The following LDLRAD3 variants were observed in gnomAD, a reference collection of about 807,000 sequenced individuals.
LDLRAD3 encodes the protein low-density lipoprotein receptor class A domain-containing protein 3.
LDLRAD3 carries 20 observed loss-of-function variants against 29.4 expected under a neutral mutation model. The ratio of observed to expected loss-of-function variants is 0.68; its 90% CI spans 0.48 to 0.99. The LOEUF is 0.99. LDLRAD3 is among the 50% of genes least tolerant of loss of function. The pLI is 0.00. For synonymous variants in LDLRAD3, 157 were observed against 192.7 expected, an observed-to-expected ratio of 0.81 and a Z score of 1.53; for missense variants, 420 against 454.3, an observed-to-expected ratio of 0.92 and a Z score of 0.69.
intron 4 of LDLRAD3, among the ~76,000 whole-genome samples, chr11:36,183,654 CAA>C (rs142050607): frequency 0.07 from 10,660 of 152,244 alleles, 474 homozygotes; most frequent in East Asian, 0.17. Flanking sequence ...TCTGAAGAAT[CAA>C]AAGAGTGGTA....
In LDLRAD3 at chr11:36,081,663, G is replaced by A. The variant is rs752004332; in HGVS notation, c.204G>A (p.Lys68=). The change falls in exon 3 of 6, where the codon AAG becomes AAA. Residue 68 remains lysine, a synonymous_variant. Coordinates refer to ENST00000315571, the MANE Select transcript of LDLRAD3 (RefSeq NM_174902.4). ...KSDEKECPKA[K]SKCGPTFFPC... is the part of the protein sequence containing the mutation. ...TTTTTCTTCCTGCAGCCAAGGCTAA[G>A]TCGAAATGTGGCCCAACCTTCTTCC... 6.2e-7 allele frequency: 1 copy of A among 1,614,252 alleles called. No individual in the cohort carries two copies. Among genetic ancestry groups the A allele is most frequent in the South Asian group, 1.1e-5 (1 of 91,086 alleles).
chr11:36,200,965 A>C (rs1855118831), intron 4 of LDLRAD3, among the ~76,000 whole-genome samples: 2 of 152,172 alleles, frequency 1.3e-5, no homozygotes, highest in African/African-American at 4.8e-5. Flanking sequence ...AGTGGGAGTA[A>C]CTCAAATAAA....
chr11:36,228,944 C>T lies in LDLRAD3; in HGVS notation c.801-216C>T, dbSNP rs59244859. The stretch of plus-strand genomic sequence containing the variant: ...CAGAGGATGTGGTTTTGGCACCGTC[C>T]GGTCAACACCAACCAGCCAGAACAC... On this transcript the variant is annotated intron_variant, in intron 5 of 5. Transcript: ENST00000315571. Among the ~76,000 whole-genome samples the T allele has an allele frequency of 7.6e-3, 1,155 of 152,318 alleles. 9 individuals are homozygous for T. Among genetic ancestry groups the T allele is most frequent in the African/African-American group, 0.027 (1,111 of 41,550 alleles).
intron 1 of LDLRAD3, among the ~76,000 whole-genome samples, chr11:35,948,430 G>A (rs1851087721): frequency 7.2e-6 from 1 of 139,636 alleles, no homozygotes; most frequent in African/African-American, 2.9e-5. Context: ...TTTTTAAGTT[G>A]GCTGATCGTG....
intron 4 of LDLRAD3, among the ~76,000 whole-genome samples, chr11:36,106,489 A>G (rs1421924806): frequency 6.6e-6 from 1 of 152,220 alleles, no homozygotes; most frequent in African/African-American, 2.4e-5. Context: ...AATTAGGGAC[A>G]GTGACTGCTT....
At chr11:35,956,879 G>A (rs1208399896) in intron 1 of LDLRAD3, among the ~76,000 whole-genome samples, 5 of 151,834 alleles carry the variant, frequency 3.3e-5, no homozygotes, top group African/African-American at 1.2e-4. Flanking sequence ...GGGACTACAG[G>A]CGCCCGCCAC....
chr11:35,954,458 A>G (rs947425427), intron 1 of LDLRAD3, among the ~76,000 whole-genome samples: 3 of 152,184 alleles, frequency 2.0e-5, no homozygotes, highest in Non-Finnish European at 4.4e-5. Context: ...ATACTCCAGA[A>G]CCTGATTCAG....
At chr11:36,068,811 C>T (rs759812110) in intron 2 of LDLRAD3, among the ~76,000 whole-genome samples, 10 of 152,170 alleles carry the variant, frequency 6.6e-5, no homozygotes, top group Admixed American at 1.3e-4. Context: ...CCACCGCGCC[C>T]AGCCCAGAAA....
intron 2 of LDLRAD3, among the ~76,000 whole-genome samples, chr11:36,046,795 C>T (rs779155997): frequency 4.6e-5 from 7 of 152,058 alleles, no homozygotes; most frequent in Non-Finnish European, 1.0e-4. Context: ...TGGGGAATAT[C>T]GCTATTAATT....
intron 4 of LDLRAD3, among the ~76,000 whole-genome samples, chr11:36,144,853 G>A (rs1854153007): frequency 2.6e-5 from 3 of 115,008 alleles, no homozygotes; most frequent in South Asian, 6.7e-4. Flanking sequence ...GGAGGGAGGT[G>A]GGGGGGTCAG....
At chr11:36,044,397 T>C (rs1590223394) in intron 2 of LDLRAD3, among the ~76,000 whole-genome samples, 1 of 152,120 alleles carries the variant, frequency 6.6e-6, no homozygotes, top group South Asian at 2.1e-4. Context: ...TGGTGCCTGG[T>C]GTGAGTTAAG....
intron 1 of LDLRAD3, among the ~76,000 whole-genome samples, chr11:35,959,093 A>G (rs1375890214): frequency 2.0e-5 from 3 of 152,304 alleles, no homozygotes; most frequent in African/African-American, 2.4e-5. Flanking sequence ...TTTTTAGCAC[A>G]TGATTCTGGT....
chr11:36,180,435 A>G (rs778232380), intron 4 of LDLRAD3, among the ~76,000 whole-genome samples: 15 of 152,138 alleles, frequency 9.9e-5, no homozygotes, highest in Non-Finnish European at 1.9e-4. Context: ...GTCTTCATGG[A>G]CGTATAGTCT....
chr11:36,019,326 A>G (rs1852064013), intron 1 of LDLRAD3, among the ~76,000 whole-genome samples: 1 of 152,246 alleles, frequency 6.6e-6, no homozygotes, highest in South Asian at 2.1e-4. Context: ...GATTGACAAA[A>G]GGAGAGACAG....
intron 4 of LDLRAD3, among the ~76,000 whole-genome samples, chr11:36,106,998 T>A (rs867347515): frequency 6.6e-6 from 1 of 152,088 alleles, no homozygotes; most frequent in Non-Finnish European, 1.5e-5. Context: ...CAGTGGCACA[T>A]GGAACTGACC....
intron 2 of LDLRAD3, among the ~76,000 whole-genome samples, chr11:36,055,706 T>G (rs1392335363): frequency 1.3e-5 from 2 of 152,246 alleles, no homozygotes; most frequent in African/African-American, 4.8e-5. Context: ...TATACTTTGG[T>G]GCAAAGAATG....
chr11:36,189,702 A>G (rs1011894926), intron 4 of LDLRAD3, among the ~76,000 whole-genome samples: 10 of 151,992 alleles, frequency 6.6e-5, no homozygotes, highest in Non-Finnish European at 1.5e-4. Context: ...TACATTAGGT[A>G]TATCTCCTAA....
intron 4 of LDLRAD3, among the ~76,000 whole-genome samples, chr11:36,209,715 T>A (rs1285349312): frequency 6.6e-6 from 1 of 152,174 alleles, no homozygotes; most frequent in African/African-American, 2.4e-5. Flanking sequence ...AAATAAAAAA[T>A]TAAATTTTAA....
At chr11:36,074,016 TTA>T (rs1490384027) in intron 2 of LDLRAD3, among the ~76,000 whole-genome samples, 3 of 152,148 alleles carry the variant, frequency 2.0e-5, no homozygotes, top group Non-Finnish European at 2.9e-5. Context: ...GTGTGAGAAC[TTA>T]AAGAAAAAGA....
Sources: allele counts gnomAD v4.1 joint callset (sites outside exome capture counted in the v4.1 genomes callset), GRCh38; gene constraint gnomAD v4.1.1; transcripts MANE v1.5; gene names NCBI Gene and HGNC (gene_info 2026-07-23, HGNC 2026-07-21).